The following MILR1 variants were observed in gnomAD, a reference collection of about 807,000 sequenced individuals.
MILR1 encodes the protein mast cell immunoglobulin like receptor 1, also known as allergin-1.
Under a neutral mutation model 18.5 loss-of-function variants are expected in MILR1, and 31 were observed. The observed-to-expected ratio is 1.68, with a 90% CI of 1.26 to 2.26. MILR1 has a LOEUF of 2.26. Among genes scored for constraint, MILR1 ranks in the 30% most tolerant of loss-of-function variants. MILR1 has a pLI of 0.00. For synonymous variants in MILR1, 85 were observed against 56.2 expected, an observed-to-expected ratio of 1.51 and a Z score of -2.30; for missense variants, 257 against 157.4, an observed-to-expected ratio of 1.63 and a Z score of -3.38.
the MILR1 span, among the ~76,000 whole-genome samples, chr17:64,494,285 T>C: frequency 2.8e-4 from 43 of 152,332 alleles, 1 homozygote; most frequent in Non-Finnish European, 4.7e-4. Flanking sequence ...AAATACTACA[T>C]AGTAGATGTG....
the MILR1 span, among the ~76,000 whole-genome samples, chr17:64,476,442 G>A: frequency 6.6e-6 from 1 of 152,138 alleles, no homozygotes. Context: ...TATTTTGGGA[G>A]GCTGAGACAG....
At chr17:64,475,663 A>C in the MILR1 span, among the ~76,000 whole-genome samples, 6 of 143,738 alleles carry the variant, frequency 4.2e-5, no homozygotes, top group African/African-American at 1.1e-4. Context: ...AAAAAAAAAA[A>C]ACAACAAAAA....
chr17:64,476,737 C>CAT, the MILR1 span, among the ~76,000 whole-genome samples: 1 of 151,714 alleles, frequency 6.6e-6, no homozygotes, highest in Non-Finnish European at 1.5e-5. Context: ...ATTGTTATCC[C>CAT]ATCATTTTAG....
At chr17:64,470,618 C>T (rs1019152425), downstream of MILR1, among the ~76,000 whole-genome samples, 2 of 152,152 alleles carry the variant, frequency 1.3e-5, no homozygotes, top group Admixed American at 6.6e-5. Flanking sequence ...AGGCCTACCC[C>T]GTCCCTGTCA....
the MILR1 span, chr17:64,493,156 G>A: frequency 9.3e-6 from 9 of 967,474 alleles, no homozygotes; most frequent in South Asian, 1.1e-4. Context: ...GGTGGCTCAC[G>A]CCTATAATCC....
At chr17:64,462,274 C>T (rs2037448912) in intron 5 of MILR1, among the ~76,000 whole-genome samples, 1 of 152,104 alleles carries the variant, frequency 6.6e-6, no homozygotes, top group South Asian at 2.1e-4. Flanking sequence ...AAACAATCCT[C>T]CCACCTCGGC....
chr17:64,472,620 T>C (rs892514938), downstream of MILR1, among the ~76,000 whole-genome samples: 1 of 152,066 alleles, frequency 6.6e-6, no homozygotes, highest in Admixed American at 6.6e-5. Flanking sequence ...CTTTTCTATG[T>C]TTAGACACAT....
intron 9 of MILR1, 138 bp from the exon 10 acceptor site, chr17:64,468,172 G>A (rs1175414425): frequency 4.5e-6 from 2 of 447,706 alleles, no homozygotes; most frequent in East Asian, 1.4e-4. Flanking sequence ...CCCTCCAAAA[G>A]TTGTGGGGAG....
intron 3 of MILR1, among the ~76,000 whole-genome samples, chr17:64,453,883 C>CAGTACGGTACTGTTT (rs2037231679): frequency 6.6e-6 from 1 of 152,004 alleles, no homozygotes; most frequent in Non-Finnish European, 1.5e-5. Flanking sequence ...CTATGCTATC[C>CAGTACGGTACTGTTT]AGTACGGTAC....
At chr17:64,496,724 C>T in the MILR1 span, 2 of 1,614,126 alleles carry the variant, frequency 1.2e-6, no homozygotes, top group African/African-American at 1.3e-5. Context: ...CTGCTGCTTG[C>T]TTCCACTTAG....
rs1182677616 is a variant in MILR1 at position 64,464,116 on chromosome 17, A to ATT, written c.764-1314_764-1313dup. Among the ~76,000 whole-genome samples, 311 of 100,760 alleles carry ATT rather than the reference A, an allele frequency of 3.1e-3. 2 individuals are homozygous for ATT. The highest frequency in any genetic ancestry group is 6.9e-3 in the African/African-American group (174 of 25,040). The allele number at this position is 100,760 out of a possible 152,430, so 66.1% of individuals were successfully genotyped here. A position where few individuals can be genotyped will look rare whatever the true frequency, so the allele number is the denominator to read the frequency against. On this transcript the variant is annotated intron_variant, in intron 5 of 9. Transcript: ENST00000619286. ...GGGCTGGTGAGCCACCGCGCCTGAC[A>ATT]TTTTTTTTTTTTTTTTTTTTTTTGA...
At chr17:64,492,991 T>A in the MILR1 span, 26 of 1,614,100 alleles carry the variant, frequency 1.6e-5, no homozygotes, top group South Asian at 2.4e-4. Flanking sequence ...GTTTACCAGA[T>A]CCAGGCAATT....
chr17:64,475,374 T>C, the MILR1 span, among the ~76,000 whole-genome samples: 1 of 151,524 alleles, frequency 6.6e-6, no homozygotes, highest in Non-Finnish European at 1.5e-5. Context: ...AACGGCCGGG[T>C]GCGGTGGCTC....
intron 5 of MILR1, among the ~76,000 whole-genome samples, chr17:64,464,104 ACC>A (rs1288305554): frequency 7.1e-6 from 1 of 141,608 alleles, no homozygotes; most frequent in East Asian, 2.1e-4. Flanking sequence ...CTGGTGAGCC[ACC>A]GCGCCTGACA....
chr17:64,497,050 G>A, the MILR1 span: 9 of 1,401,432 alleles, frequency 6.4e-6, no homozygotes, highest in East Asian at 6.9e-5. Flanking sequence ...AGAATCCGGA[G>A]AGGCCACGGC....
the MILR1 span, among the ~76,000 whole-genome samples, chr17:64,481,661 T>C: frequency 6.6e-6 from 1 of 151,912 alleles, no homozygotes; most frequent in Non-Finnish European, 1.5e-5. Flanking sequence ...TCACTTGAGG[T>C]CAGGAGTTGG....
At chr17:64,485,496 C>T in the MILR1 span, 1 of 534,578 alleles carries the variant, frequency 1.9e-6, no homozygotes, top group Non-Finnish European at 3.3e-6. Context: ...TGTCTGTTCA[C>T]AATTAAACAG....
chr17:64,488,446 T>C, the MILR1 span, among the ~76,000 whole-genome samples: 1 of 151,980 alleles, frequency 6.6e-6, no homozygotes, highest in African/African-American at 2.4e-5. Flanking sequence ...TTCACACCTG[T>C]AATCTTAGCA....
chr17:64,493,116 A>G, the MILR1 span: 1 of 1,331,686 alleles, frequency 7.5e-7, no homozygotes. Flanking sequence ...TAACGTTAAC[A>G]CAGCATAAAG....
Sources: gnomAD v4.1 joint callset for allele counts (sites outside exome capture counted in the v4.1 genomes callset) on GRCh38, gnomAD v4.1.1 for gene constraint, MANE v1.5 for transcripts, NCBI Gene and HGNC (gene_info 2026-07-23, HGNC 2026-07-21) for gene names.